Variants in ZNF346 observed in about 807,000 individuals in gnomAD.
ZNF346 encodes the protein double-stranded RNA-binding zinc finger protein JAZ.
In ZNF346, 23 loss-of-function variants were observed where a neutral mutation model predicts 33.7. That is an observed-to-expected ratio of 0.68 (90% CI 0.49 to 0.97). The LOEUF (loss-of-function observed/expected upper bound fraction) is 0.97, where lower values mean the gene tolerates loss of function less well. Among genes scored for constraint, ZNF346 ranks in the 50% least tolerant of loss-of-function variants. ZNF346 has a pLI of 0.00. For missense variants in ZNF346, 340 were observed against 371.1 expected (o/e 0.92, Z 0.69); for synonymous variants, 134 against 142.4 (o/e 0.94, Z 0.42).
rs1020301280 is a variant in ZNF346, at chr5:177,077,877, T to C, written c.*3-1505T>C. ...AAAAGGAATGCCTGGCCAGGCGCGGTGGCTCACGCCTGTAATCCCAGCACT... is the reference window on the plus strand; with the variant it reads ...AAAAGGAATGCCTGGCCAGGCGCGGCGGCTCACGCCTGTAATCCCAGCACT... On this transcript the variant is annotated intron_variant, in intron 8 of 8. Coordinates refer to the ZNF346 transcript ENST00000503039. The surrounding 1 kb of genome is among the most constrained non-coding windows in gnomAD (Gnocchi z 5.0). Among the ~76,000 whole-genome samples, 11 of 152,256 alleles carry C rather than the reference T, an allele frequency of 7.2e-5. No individual in the cohort carries two copies. The highest frequency in any genetic ancestry group is 2.4e-4 in the African/African-American group (10 of 41,548).
At chr5:177,068,808 G>A (rs1375292040), downstream of ZNF346, among the ~76,000 whole-genome samples, 2 of 143,044 alleles carry the variant, frequency 1.4e-5, no homozygotes, top group Non-Finnish European at 3.0e-5. Context: ...AAAAACAACT[G>A]TGCACTATAC....
chr5:177,070,120 A>G (rs991958784), downstream of ZNF346, among the ~76,000 whole-genome samples: 2 of 152,198 alleles, frequency 1.3e-5, no homozygotes, highest in Non-Finnish European at 2.9e-5. Context: ...TTGTCTAGAC[A>G]CTGCCAAACA....
intron 4 of ZNF346, among the ~76,000 whole-genome samples, chr5:177,046,245 G>A (rs189951101): frequency 6.7e-6 from 1 of 149,318 alleles, no homozygotes; most frequent in Admixed American, 6.7e-5. Context: ...AGGTTGCAGT[G>A]AGCTGAGATC....
chr5:177,060,372 T>C (rs1782332181), intron 5 of ZNF346, among the ~76,000 whole-genome samples: 1 of 150,544 alleles, frequency 6.6e-6, no homozygotes, highest in African/African-American at 2.5e-5. Context: ...ACTACAAAAA[T>C]TAGCCGGGCG....
chr5:177,046,030 C>T (rs919327555), intron 4 of ZNF346, among the ~76,000 whole-genome samples: 3 of 152,054 alleles, frequency 2.0e-5, no homozygotes, highest in African/African-American at 7.2e-5. Flanking sequence ...GGCATGGTGG[C>T]TCATGCCTGT....
intron 1 of ZNF346, among the ~76,000 whole-genome samples, chr5:177,031,664 C>T (rs1015307471): frequency 1.3e-5 from 2 of 152,092 alleles, no homozygotes; most frequent in Admixed American, 6.6e-5. Context: ...GGTTTTTGGA[C>T]ATTTTCTTCA....
chr5:177,035,517 A>G (rs900214170), intron 1 of ZNF346, among the ~76,000 whole-genome samples: 2 of 151,182 alleles, frequency 1.3e-5, no homozygotes, highest in Non-Finnish European at 2.9e-5. Context: ...CTGGAGTGCA[A>G]TGGCGCAATC....
At chr5:177,080,834 C>CT (rs1420694062) in exon 9 of ZNF346, 1 of 152,316 alleles carries the variant, frequency 6.6e-6, no homozygotes, top group Non-Finnish European at 1.5e-5. Flanking sequence ...CTGTCCGACT[C>CT]TGACACCCAA....
chr5:177,024,820 A>C (rs529210908), intron 1 of ZNF346, among the ~76,000 whole-genome samples: 1 of 152,232 alleles, frequency 6.6e-6, no homozygotes, highest in African/African-American at 2.4e-5. Flanking sequence ...ACTGTCTGCT[A>C]TGTGTATATG....
At chr5:177,035,350 C>T (rs1339815284) in intron 1 of ZNF346, among the ~76,000 whole-genome samples, 2 of 152,148 alleles carry the variant, frequency 1.3e-5, no homozygotes, top group Non-Finnish European at 2.9e-5. Flanking sequence ...CCTCATTTTC[C>T]ATATCAAATC....
chr5:177,050,613 T>A (rs1780718834), intron 4 of ZNF346, 138 bp from the exon 5 acceptor site: 1 of 825,406 alleles, frequency 1.2e-6, no homozygotes, highest in African/African-American at 1.7e-5. Flanking sequence ...TAGGATTAAC[T>A]GGTGTCACAG....
chr5:177,078,887 C>T (rs967969816), intron 8 of ZNF346, among the ~76,000 whole-genome samples: 1 of 151,964 alleles, frequency 6.6e-6, no homozygotes, highest in Non-Finnish European at 1.5e-5. Context: ...CCAGCCTGGG[C>T]ATGAGACTCT....
At chr5:177,064,443 C>A in intron 6 of ZNF346, 69 bp from the exon 7 acceptor site, 1 of 1,248,152 alleles carries the variant, frequency 8.0e-7, no homozygotes, top group Non-Finnish European at 1.2e-6. Flanking sequence ...AAGGGCAGTG[C>A]TATCATTGCA....
downstream of ZNF346, among the ~76,000 whole-genome samples, chr5:177,070,435 G>T (rs1358276951): frequency 6.6e-6 from 1 of 152,034 alleles, no homozygotes; most frequent in Non-Finnish European, 1.5e-5. Flanking sequence ...CCTAGGGAGG[G>T]TCTCAGAGAG....
At chr5:177,041,020 G>A in intron 1 of ZNF346, 106 bp from the exon 2 acceptor site, 2 of 854,694 alleles carry the variant, frequency 2.3e-6, no homozygotes, top group Non-Finnish European at 3.9e-6. Context: ...CAGTGTCCTA[G>A]TATGGCATCC....
At chr5:177,070,605 G>A (rs1468700176), downstream of ZNF346, among the ~76,000 whole-genome samples, 1 of 152,114 alleles carries the variant, frequency 6.6e-6, no homozygotes, top group Non-Finnish European at 1.5e-5. Context: ...AAAAGAATAG[G>A]TGGATATGAA....
rs1306370023 is a variant in ZNF346, at chr5:177,022,813, G to A, written c.75G>A (p.Leu25=). 2 of 1,543,102 alleles carry A rather than the reference G, an allele frequency of 1.3e-6. No individual in the cohort carries two copies. Among genetic ancestry groups the A allele is most frequent in the Non-Finnish European group, 1.7e-6 (2 of 1,145,120 alleles). The change falls in exon 1 of 7, where the codon TTG becomes TTA. Residue 25 remains leucine (L), a synonymous_variant. Transcript: ENST00000358149. ...GAAGPYSSSE[L]LEGQEPDGVR... is the part of the protein sequence containing the mutation. ...CCGGGCCTTACAGCAGCTCGGAGTT[G>A]CTGGAGGGCCAGGAGCCGGACGGGG...
chr5:177,065,747 G>A lies in ZNF346; in HGVS notation c.*1148G>A, dbSNP rs1208469331. 1 of 152,132 alleles carries A rather than the reference G, an allele frequency of 6.6e-6. No individual in the cohort carries two copies. Among genetic ancestry groups the A allele is most frequent in the African/African-American group, 2.4e-5 (1 of 41,326 alleles). 9.4% of individuals were successfully genotyped at this position (152,132 alleles called of 1,614,324 possible). ...AGAATTCCAAGGAGTGTCACCATCA[G>A]AGGCTTCTCTTCATTGTGTCAAAGA... is the stretch of plus-strand genomic sequence containing the variant. On this transcript the variant is annotated 3_prime_UTR_variant, in exon 7 of 7. Coordinates refer to ENST00000358149, the MANE Select transcript of ZNF346 (RefSeq NM_012279.4).
intron 1 of ZNF346, among the ~76,000 whole-genome samples, chr5:177,034,872 T>C (rs1198087088): frequency 6.6e-6 from 1 of 152,228 alleles, no homozygotes; most frequent in African/African-American, 2.4e-5. Context: ...CAAAGCATCT[T>C]GCTTCCAGCA....
Sources: gnomAD v4.1 joint callset for allele counts (sites outside exome capture counted in the v4.1 genomes callset) on GRCh38, gnomAD v4.1.1 for gene constraint, Gnocchi (gnomAD v3.1) non-coding constraint, MANE v1.5 for transcripts, NCBI Gene and HGNC (gene_info 2026-07-23, HGNC 2026-07-21) for gene names.